The following TRMT11 variants were observed in gnomAD, a reference collection of about 807,000 sequenced individuals.
TRMT11 encodes the protein tRNA (guanine(10)-N(2))-methyltransferase TRMT11.
A neutral mutation model predicts 62.8 loss-of-function variants in TRMT11; 53 were observed. That is an observed-to-expected ratio of 0.84 (90% CI 0.68 to 1.06). The LOEUF (loss-of-function observed/expected upper bound fraction) is 1.06. Among genes scored for constraint, TRMT11 ranks in the 50% least tolerant of loss-of-function variants. The pLI is 0.00. For missense variants in TRMT11, 556 were observed against 553.4 expected, an observed-to-expected ratio of 1.00 and a Z score of -0.05; for synonymous variants, 188 against 190.3, an observed-to-expected ratio of 0.99 and a Z score of 0.10.
chr6:126,200,684 A>G (rs1454678403), intron 3 of TRMT11, among the ~76,000 whole-genome samples: 1 of 152,096 alleles, frequency 6.6e-6, no homozygotes, highest in Non-Finnish European at 1.5e-5. Context: ...CCTCCCAAGT[A>G]GCTGGGACTA....
At chr6:126,045,697 A>C (rs1776036429) in intron 16 of TRMT11, among the ~76,000 whole-genome samples, 1 of 152,100 alleles carries the variant, frequency 6.6e-6, no homozygotes. Context: ...ATTAGTACTA[A>C]GATATATCCT....
At chr6:126,011,206 G>A in intron 8 of TRMT11, 47 bp from the exon 9 acceptor site, 1 of 1,468,164 alleles carries the variant, frequency 6.8e-7, no homozygotes, top group South Asian at 1.3e-5. Flanking sequence ...CAGAAAATAA[G>A]AATACTCTGT....
intron 8 of TRMT11, 140 bp downstream of exon 8, chr6:126,008,612 C>G (rs944751609): frequency 6.3e-6 from 5 of 789,752 alleles, no homozygotes; most frequent in Non-Finnish European, 1.1e-5. Context: ...TCTCTGCCCT[C>G]TTGAAACATC....
In TRMT11 at chr6:125,999,571, G is replaced by A. The variant is rs199635779; in HGVS notation, c.637G>A (p.Val213Met). ...ATTCATTATGGCTAACCATGGAAAAGTGAAAGAAAATGATATTGTCTTTGA... is the reference window on the plus strand; with the variant it reads ...ATTCATTATGGCTAACCATGGAAAAATGAAAGAAAATGATATTGTCTTTGA... ...LSFIMANHGKVKENDIVFDPF... is the reference protein window; with the variant it reads ...LSFIMANHGKMKENDIVFDPF... Residue 213 changes from valine (V) to methionine (M), a missense_variant, in exon 7 of 13, where the codon GTG becomes ATG. Val to Met is a conservative substitution (Grantham distance 21). Transcript: ENST00000334379. 1.7e-5 allele frequency: 27 copies of A among 1,611,828 alleles called. No homozygotes were observed. In the East Asian group the frequency reaches 5.8e-4, roughly 35 times the overall value.
intron 1 of TRMT11, among the ~76,000 whole-genome samples, chr6:126,177,513 T>C (rs953357216): frequency 3.9e-5 from 6 of 152,216 alleles, no homozygotes; most frequent in Non-Finnish European, 5.9e-5. Context: ...ACTAATTTCT[T>C]ATATATGTGC....
chr6:126,064,516 C>G (rs1362439954), intron 17 of TRMT11, among the ~76,000 whole-genome samples: 3 of 152,104 alleles, frequency 2.0e-5, no homozygotes, highest in Middle Eastern at 3.4e-3. Context: ...GACTTGCATT[C>G]TGAACTGGAA....
intron 17 of TRMT11, among the ~76,000 whole-genome samples, chr6:126,087,299 A>G (rs917383551): frequency 5.9e-5 from 9 of 152,180 alleles, no homozygotes; most frequent in Non-Finnish European, 1.3e-4. Context: ...CAAAAAGCAG[A>G]TCATTTCCCA....
At chr6:126,013,811 AG>A (rs1400111843) in intron 11 of TRMT11, among the ~76,000 whole-genome samples, 9 of 152,212 alleles carry the variant, frequency 5.9e-5, no homozygotes, top group African/African-American at 2.2e-4. Context: ...AAGTTTTGCC[AG>A]CCCTTATTGT....
At chr6:126,257,818 C>T in the TRMT11 span, 3 of 831,822 alleles carry the variant, frequency 3.6e-6, no homozygotes, top group Non-Finnish European at 6.0e-6. Flanking sequence ...GAGACCTGCT[C>T]ATGGCACTGA....
chr6:125,997,013 A>G (rs768478275), intron 3 of TRMT11, among the ~76,000 whole-genome samples: 1 of 152,196 alleles, frequency 6.6e-6, no homozygotes, highest in Non-Finnish European at 1.5e-5. Flanking sequence ...TTTTTGAATA[A>G]TTGCTTGTTA....
At chr6:126,060,319 T>C (rs1344969511) in intron 17 of TRMT11, among the ~76,000 whole-genome samples, 1 of 152,236 alleles carries the variant, frequency 6.6e-6, no homozygotes, top group African/African-American at 2.4e-5. Context: ...GCTGCTCTAT[T>C]ACAGTCTCTA....
intron 17 of TRMT11, among the ~76,000 whole-genome samples, chr6:126,062,673 T>G (rs1776570013): frequency 6.7e-6 from 1 of 149,232 alleles, no homozygotes; most frequent in Non-Finnish European, 1.5e-5. Flanking sequence ...GCTAATCCAC[T>G]TAATGACTGT....
At chr6:126,251,539 A>G in the TRMT11 span, among the ~76,000 whole-genome samples, 1 of 152,118 alleles carries the variant, frequency 6.6e-6, no homozygotes, top group African/African-American at 2.4e-5. Flanking sequence ...ATTAACTGTA[A>G]TCACCATGTT....
downstream of TRMT11, among the ~76,000 whole-genome samples, chr6:126,040,004 T>G (rs1312542301): frequency 6.6e-6 from 1 of 152,092 alleles, no homozygotes; most frequent in Non-Finnish European, 1.5e-5. Flanking sequence ...TTGTTTGGGT[T>G]TCTGGATGTG....
intron 17 of TRMT11, among the ~76,000 whole-genome samples, chr6:126,084,365 C>T (rs1777190517): frequency 1.3e-5 from 2 of 152,110 alleles, no homozygotes; most frequent in Admixed American, 1.3e-4. Context: ...CCTTTTCATA[C>T]ACCCATTGGC....
At chr6:126,014,290 A>T (rs1794669164) in intron 11 of TRMT11, among the ~76,000 whole-genome samples, 1 of 150,852 alleles carries the variant, frequency 6.6e-6, no homozygotes, top group Admixed American at 6.6e-5. Flanking sequence ...TCACTTTGTC[A>T]CCCAGACTGG....
chr6:126,135,848 A>G (rs1385542170), intron 21 of TRMT11, among the ~76,000 whole-genome samples: 1 of 151,854 alleles, frequency 6.6e-6, no homozygotes, highest in Non-Finnish European at 1.5e-5. Context: ...AAATCAATAA[A>G]CACAATACAT....
chr6:126,170,525 T>C (rs1778318093), intron 21 of TRMT11, among the ~76,000 whole-genome samples: 1 of 152,150 alleles, frequency 6.6e-6, no homozygotes. Context: ...CTGTATTACC[T>C]GAAGGAAGCC....
In TRMT11 at chr6:126,038,871, A is replaced by T. The variant is rs1775711721; in HGVS notation, c.*35A>T. On this transcript the variant is annotated 3_prime_UTR_variant, in exon 13 of 13. Transcript: ENST00000334379. ...TTTTGACAATGAAGAAAGAATAAGA[A>T]TTTGATTTAAAAAGACATCTGGATG... The T allele has an allele frequency of 6.4e-7, 1 of 1,555,344 alleles. No homozygotes were observed. The highest frequency in any genetic ancestry group is 2.0e-5 in the Admixed American group (1 of 50,280).
Sources: gnomAD v4.1 joint callset for allele counts (sites outside exome capture counted in the v4.1 genomes callset) on GRCh38, gnomAD v4.1.1 for gene constraint, MANE v1.5 for transcripts, NCBI Gene and HGNC (gene_info 2026-07-23, HGNC 2026-07-21) for gene names.